TBC1D22A: variants seen among roughly 807,000 people sequenced by gnomAD.
TBC1D22A encodes the protein putative GTPase activator.
Under a neutral mutation model 60.2 loss-of-function variants are expected in TBC1D22A, and 38 were observed. The observed-to-expected ratio is 0.63, with a 90% CI of 0.49 to 0.83. The LOEUF (loss-of-function observed/expected upper bound fraction) is 0.83. Among genes scored for constraint, TBC1D22A ranks in the 40% least tolerant of loss-of-function variants. The probability of loss-of-function intolerance (pLI) is 0.00; values close to 1 mark genes in which losing one functional copy is unlikely to be tolerated. For synonymous variants in TBC1D22A, 302 were observed against 281.7 expected (o/e 1.07, Z -0.72); for missense variants, 628 against 701.0 (o/e 0.90, Z 1.18).
intron 11 of TBC1D22A, among the ~76,000 whole-genome samples, chr22:47,069,262 T>C (rs959971480): frequency 6.6e-6 from 1 of 152,246 alleles, no homozygotes; most frequent in African/African-American, 2.4e-5. Flanking sequence ...TAGCAAAGAA[T>C]CTGCAGGTTC....
intron 4 of TBC1D22A, among the ~76,000 whole-genome samples, chr22:46,829,364 G>C (rs1233000162): frequency 6.6e-6 from 1 of 152,164 alleles, no homozygotes; most frequent in African/African-American, 2.4e-5. Context: ...TGTATGTTGT[G>C]GAACTCACCC....
At chr22:47,113,524 C>A (rs1004703421) in intron 12 of TBC1D22A, among the ~76,000 whole-genome samples, 4 of 152,206 alleles carry the variant, frequency 2.6e-5, no homozygotes, top group Admixed American at 2.6e-4. Flanking sequence ...AGAAATCACC[C>A]TGGGCCCCAC....
At chr22:47,096,873 G>A (rs2065200487) in intron 11 of TBC1D22A, among the ~76,000 whole-genome samples, 1 of 152,174 alleles carries the variant, frequency 6.6e-6, no homozygotes, top group African/African-American at 2.4e-5. Context: ...GTGTCCTGAA[G>A]TGTTGTTTTT....
intron 9 of TBC1D22A, among the ~76,000 whole-genome samples, chr22:46,994,575 C>T (rs1390063251): frequency 2.6e-5 from 4 of 152,262 alleles, no homozygotes; most frequent in African/African-American, 9.6e-5. Context: ...ATCGCAGTCC[C>T]TCAGGACAGA....
chr22:47,018,130 A>G (rs8138651), intron 10 of TBC1D22A, among the ~76,000 whole-genome samples: 3,644 of 152,376 alleles, frequency 0.024, 120 homozygotes, highest in African/African-American at 0.073. Context: ...GTGGGGGCCC[A>G]GAGCGACCTG....
intron 9 of TBC1D22A, among the ~76,000 whole-genome samples, chr22:46,979,706 G>A (rs1983497942): frequency 6.6e-6 from 1 of 152,230 alleles, no homozygotes; most frequent in Admixed American, 6.5e-5. Context: ...ACGGTTGAGT[G>A]TGGTGAGGGC....
intron 12 of TBC1D22A, chr22:47,116,505 G>T (rs528960440): frequency 6.6e-6 from 1 of 152,556 alleles, no homozygotes; most frequent in African/African-American, 2.4e-5. Context: ...CCTCCAGCAT[G>T]GTGGCTGCCT....
intron 4 of TBC1D22A, among the ~76,000 whole-genome samples, chr22:46,874,479 C>G (rs1172724130): frequency 6.8e-6 from 1 of 146,706 alleles, no homozygotes; most frequent in Non-Finnish European, 1.5e-5. Flanking sequence ...GAGATGGTAT[C>G]TCATTGTGGT....
At chr22:46,771,059 C>G (rs1388745813) in intron 1 of TBC1D22A, among the ~76,000 whole-genome samples, 1 of 152,214 alleles carries the variant, frequency 6.6e-6, no homozygotes, top group African/African-American at 2.4e-5. Context: ...TGTCCAGAAA[C>G]ACTTTGAAAA....
intron 4 of TBC1D22A, among the ~76,000 whole-genome samples, chr22:46,841,629 CA>C (rs1456552239): frequency 6.6e-6 from 1 of 152,036 alleles, no homozygotes; most frequent in African/African-American, 2.4e-5. Flanking sequence ...ATGTGGAATC[CA>C]AAAAAATTGC....
At chr22:46,832,746 A>G (rs2086365521) in intron 4 of TBC1D22A, among the ~76,000 whole-genome samples, 1 of 152,272 alleles carries the variant, frequency 6.6e-6, no homozygotes, top group Non-Finnish European at 1.5e-5. Context: ...AATGATAATT[A>G]TTTGGCTGAT....
intron 11 of TBC1D22A, among the ~76,000 whole-genome samples, chr22:47,065,879 G>A (rs149966012): frequency 4.5e-4 from 69 of 152,228 alleles, no homozygotes; most frequent in Non-Finnish European, 8.2e-4. Flanking sequence ...AAGGAGGATC[G>A]GGAGAAATGC....
At chr22:46,879,211 G>C (rs1176274834) in intron 5 of TBC1D22A, among the ~76,000 whole-genome samples, 1 of 151,400 alleles carries the variant, frequency 6.6e-6, no homozygotes, top group African/African-American at 2.4e-5. Context: ...GGTGAGAGAA[G>C]TGGTTTGTGT....
At position 46,878,635 on chromosome 22, in the gene TBC1D22A, C is replaced by T. The variant is rs2067690701; in HGVS notation, c.638-18C>T. On this transcript the variant is annotated intron_variant, in intron 4 of 12. Transcript: ENST00000337137. ...TTTTGCAAATCTTGTTTTTCCTTGT[C>T]TCTTTTTTCATCAACAGAGGAATTA... 3 of 1,612,660 alleles carry T rather than the reference C, an allele frequency of 1.9e-6. No homozygotes were observed. The Admixed American group carries it at 5.0e-5, about 27-fold the overall frequency.
At chr22:47,132,961 G>T (rs902354694) in intron 12 of TBC1D22A, among the ~76,000 whole-genome samples, 2 of 152,236 alleles carry the variant, frequency 1.3e-5, no homozygotes, top group African/African-American at 4.8e-5. Context: ...TCGCCGAAGG[G>T]CTCACTTGGA....
intron 8 of TBC1D22A, among the ~76,000 whole-genome samples, chr22:46,967,839 C>G (rs181859303): frequency 5.3e-5 from 8 of 151,534 alleles, no homozygotes; most frequent in Admixed American, 3.3e-4. Flanking sequence ...CCAGTGCACC[C>G]CCTGGTAATT....
At chr22:46,985,670 C>T (rs959051276) in intron 9 of TBC1D22A, among the ~76,000 whole-genome samples, 2 of 152,194 alleles carry the variant, frequency 1.3e-5, no homozygotes, top group Non-Finnish European at 2.9e-5. Flanking sequence ...TGGTGGCAGC[C>T]GAGGCTGTTT....
intron 8 of TBC1D22A, among the ~76,000 whole-genome samples, chr22:46,923,463 G>C (rs949652287): frequency 6.6e-6 from 1 of 152,372 alleles, no homozygotes; most frequent in South Asian, 2.1e-4. Flanking sequence ...CCCGCCCAGG[G>C]CTGGGCCTCG....
intron 11 of TBC1D22A, among the ~76,000 whole-genome samples, chr22:47,054,503 C>T (rs1490194977): frequency 6.6e-6 from 1 of 152,202 alleles, no homozygotes; most frequent in Non-Finnish European, 1.5e-5. Flanking sequence ...CTGGCTCCAG[C>T]ATCTGCTTGG....
Sources: allele counts gnomAD v4.1 joint callset (sites outside exome capture counted in the v4.1 genomes callset), GRCh38; gene constraint gnomAD v4.1.1; transcripts MANE v1.5; gene names NCBI Gene and HGNC (gene_info 2026-07-23, HGNC 2026-07-21).